NIBAN1: variants seen among roughly 807,000 people sequenced by gnomAD.
The protein encoded by NIBAN1 is protein Niban 1.
In NIBAN1, 81 loss-of-function variants were observed where a neutral mutation model predicts 75.1. The observed-to-expected ratio is 1.08, with a 90% CI of 0.90 to 1.30. NIBAN1 has a LOEUF of 1.30. NIBAN1 is among the 50% of genes most tolerant of loss of function. NIBAN1 has a pLI of 0.00. For missense variants in NIBAN1, 1,133 were observed against 1,128.1 expected, an observed-to-expected ratio of 1.00 and a Z score of -0.06; for synonymous variants, 436 against 424.8, an observed-to-expected ratio of 1.03 and a Z score of -0.32.
chr1:184,806,122 G>A, intron 10 of NIBAN1, 66 bp from the exon 11 acceptor site: 1 of 1,315,516 alleles, frequency 7.6e-7, no homozygotes, highest in Non-Finnish European at 1.1e-6. Context: ...CCACAGGCCT[G>A]GCTAAGTGGG....
At chr1:184,857,430 C>T (rs569725264) in intron 5 of NIBAN1, among the ~76,000 whole-genome samples, 6 of 152,074 alleles carry the variant, frequency 3.9e-5, no homozygotes, top group African/African-American at 1.4e-4. Flanking sequence ...TTTGGATCCC[C>T]CATTGAATAT....
chr1:184,957,324 C>T (rs1015325927), intron 1 of NIBAN1, among the ~76,000 whole-genome samples: 8 of 152,156 alleles, frequency 5.3e-5, no homozygotes, highest in Admixed American at 3.9e-4. Flanking sequence ...TTAAACCCTG[C>T]GTCCGACTCT....
Position 184,906,008 on chromosome 1 carries a change from T to C in NIBAN1, c.56-6699A>G, listed in dbSNP as rs962364288. On this transcript the variant is annotated intron_variant, in intron 1 of 13. Coordinates refer to ENST00000367511, the MANE Select transcript of NIBAN1 (RefSeq NM_052966.4). ...ATCCCAGCACTTGGGGAGGCCGAGATGGGAGGATCACCTGAGTGCAGGAGT... is the reference window on the plus strand; with the variant it reads ...ATCCCAGCACTTGGGGAGGCCGAGACGGGAGGATCACCTGAGTGCAGGAGT... Among the ~76,000 whole-genome samples, 25 of 148,916 alleles carry C rather than the reference T, an allele frequency of 1.7e-4. No homozygotes were observed. The East Asian group carries it at 4.7e-3, about 28-fold the overall frequency.
chr1:184,831,868 C>A lies in NIBAN1; in HGVS notation c.696G>T (p.Met232Ile). ...QEKGHYGSWE[M>I]ITGDEIQILS... Reference sequence around the variant, plus strand: ...TTACCTGGATTTCATCCCCAGTGATCATTTCCCAGGAACCATAGTGACCCT... The same window carrying A: ...TTACCTGGATTTCATCCCCAGTGATAATTTCCCAGGAACCATAGTGACCCT... The change falls in exon 6 of 14, where the codon ATG (methionine) becomes ATT (isoleucine). Residue 232 changes from methionine (M) to isoleucine (I), a missense_variant. Coordinates refer to ENST00000367511, the MANE Select transcript of NIBAN1 (RefSeq NM_052966.4). 1 of 1,614,028 alleles carries A rather than the reference C, an allele frequency of 6.2e-7. No homozygotes were observed.
intron 1 of NIBAN1, among the ~76,000 whole-genome samples, chr1:184,899,636 G>T (rs572159693): frequency 6.6e-6 from 1 of 151,566 alleles, no homozygotes; most frequent in Non-Finnish European, 1.5e-5. Context: ...ATAGACTATC[G>T]CCATGACCAT....
intron 5 of NIBAN1, among the ~76,000 whole-genome samples, chr1:184,865,602 G>A (rs550004006): frequency 4.9e-4 from 74 of 151,966 alleles, no homozygotes; most frequent in Non-Finnish European, 9.7e-4. Flanking sequence ...TCTAAAACAA[G>A]CTGAAAAAAA....
intron 1 of NIBAN1, among the ~76,000 whole-genome samples, chr1:184,901,390 T>C: frequency 6.6e-6 from 1 of 152,244 alleles, no homozygotes; most frequent in East Asian, 1.9e-4. Context: ...CATAATACTT[T>C]AATATACTCA....
intron 5 of NIBAN1, among the ~76,000 whole-genome samples, chr1:184,843,662 T>A (rs1195163104): frequency 6.6e-6 from 1 of 152,322 alleles, no homozygotes; most frequent in African/African-American, 2.4e-5. Flanking sequence ...TATGGCTTTG[T>A]ATGGGAAGAT....
chr1:184,961,191 C>T (rs1266675242), intron 1 of NIBAN1, among the ~76,000 whole-genome samples: 1 of 150,596 alleles, frequency 6.6e-6, no homozygotes, highest in Non-Finnish European at 1.5e-5. Context: ...GCTTCAGCCT[C>T]CTGAGTAGCT....
chr1:184,905,067 G>A (rs1425641902), intron 1 of NIBAN1, among the ~76,000 whole-genome samples: 1 of 152,118 alleles, frequency 6.6e-6, no homozygotes, highest in Non-Finnish European at 1.5e-5. Context: ...AGAGTGGGAG[G>A]GGGAGTGCCA....
At chr1:184,942,622 A>C (rs1163184291) in intron 1 of NIBAN1, among the ~76,000 whole-genome samples, 4 of 142,544 alleles carry the variant, frequency 2.8e-5, no homozygotes, top group Non-Finnish European at 6.0e-5. Context: ...TGAACCCGGG[A>C]GGCGGAGCTT....
At chr1:184,859,059 T>G (rs1403381752) in intron 5 of NIBAN1, among the ~76,000 whole-genome samples, 1 of 151,110 alleles carries the variant, frequency 6.6e-6, no homozygotes, top group Non-Finnish European at 1.5e-5. Context: ...CCTACAGGAG[T>G]TCTAATTCCT....
intron 1 of NIBAN1, among the ~76,000 whole-genome samples, chr1:184,941,011 T>C (rs540486234): frequency 6.6e-6 from 1 of 152,332 alleles, no homozygotes; most frequent in Admixed American, 6.5e-5. Context: ...TATATTCCAA[T>C]TATTTTCCAG....
At chr1:184,881,570 G>A (rs1169094205) in intron 5 of NIBAN1, among the ~76,000 whole-genome samples, 1 of 152,224 alleles carries the variant, frequency 6.6e-6, no homozygotes, top group Non-Finnish European at 1.5e-5. Flanking sequence ...CGAGTGCACA[G>A]TGCAAAGGGA....
rs777507841 is a variant in NIBAN1 at position 184,793,412 on chromosome 1, C to G, written c.*1565G>C. On this transcript the variant is annotated 3_prime_UTR_variant, in exon 14 of 14. Coordinates refer to ENST00000367511, the MANE Select transcript of NIBAN1 (RefSeq NM_052966.4). The stretch of plus-strand genomic sequence containing the variant: ...CTCTACCAAAAATACAAAAATTAGC[C>G]GGGAATGGTGCCGCATGGCTGTAAT... 6.6e-6 allele frequency: 1 copy of G among 152,044 alleles called. No homozygotes were observed. Among genetic ancestry groups the G allele is most frequent in the Non-Finnish European group, 1.5e-5 (1 of 68,024 alleles). The allele number at this position is 152,044 out of a possible 1,614,324, so 9.4% of individuals were successfully genotyped here.
At chr1:184,814,330 A>G (rs867684834) in intron 9 of NIBAN1, among the ~76,000 whole-genome samples, 17 of 152,242 alleles carry the variant, frequency 1.1e-4, no homozygotes, top group African/African-American at 3.9e-4. Flanking sequence ...TTATGGTCAA[A>G]GTAATTAAAA....
At chr1:184,948,123 A>T (rs1432833196) in intron 1 of NIBAN1, among the ~76,000 whole-genome samples, 3 of 147,182 alleles carry the variant, frequency 2.0e-5, no homozygotes, top group Non-Finnish European at 4.5e-5. Flanking sequence ...AATAGGAAAT[A>T]AAAAAAAAAT....
intron 1 of NIBAN1, among the ~76,000 whole-genome samples, chr1:184,931,473 TTA>T (rs1419452954): frequency 5.3e-5 from 8 of 152,246 alleles, no homozygotes; most frequent in African/African-American, 1.9e-4. Context: ...CATTTCCATT[TTA>T]TATGTCTTTA....
intron 1 of NIBAN1, 139 bp downstream of exon 1, chr1:184,974,163 G>A: frequency 3.3e-6 from 3 of 898,088 alleles, no homozygotes. Context: ...AACCCGACTC[G>A]CGCGGGCGGG....
Sources: gnomAD v4.1 joint callset for allele counts (sites outside exome capture counted in the v4.1 genomes callset) on GRCh38, gnomAD v4.1.1 for gene constraint, MANE v1.5 for transcripts, NCBI Gene and HGNC (gene_info 2026-07-23, HGNC 2026-07-21) for gene names.